Variants in LY96 observed in about 807,000 individuals in gnomAD.
The protein encoded by LY96 is myeloid differentiation protein-2.
In LY96, 18 loss-of-function variants were observed where a neutral mutation model predicts 18.9. That is an observed-to-expected ratio of 0.95 (90% confidence interval 0.66 to 1.41). The LOEUF is 1.41. Among genes scored for constraint, LY96 ranks in the 40% most tolerant of loss-of-function variants. The probability of loss-of-function intolerance (pLI) is 0.00; values close to 1 mark genes in which losing one functional copy is unlikely to be tolerated. For synonymous variants in LY96, 66 were observed against 62.6 expected (o/e 1.06, Z -0.26); for missense variants, 175 against 182.4 (o/e 0.96, Z 0.23).
intron 1 of LY96, among the ~76,000 whole-genome samples, chr8:74,000,211 A>G (rs1304623454): frequency 6.6e-6 from 1 of 152,148 alleles, no homozygotes; most frequent in African/African-American, 2.4e-5. Flanking sequence ...ATTTTACTAT[A>G]AGTGGCCAAA....
chr8:74,082,061 T>G, the LY96 span, among the ~76,000 whole-genome samples: 1 of 152,260 alleles, frequency 6.6e-6, no homozygotes, highest in Non-Finnish European at 1.5e-5. Context: ...CTGCTTTCAA[T>G]TATAGAATAT....
At chr8:74,003,663 T>C (rs1002518957) in intron 1 of LY96, among the ~76,000 whole-genome samples, 3 of 152,016 alleles carry the variant, frequency 2.0e-5, no homozygotes, top group African/African-American at 7.3e-5. Context: ...GAAAGGAAAA[T>C]TTGTTTTTCC....
the LY96 span, among the ~76,000 whole-genome samples, chr8:74,080,984 C>CTCTCTT: frequency 1.9e-5 from 2 of 105,172 alleles, no homozygotes; most frequent in Admixed American, 1.0e-4. Context: ...TTCTTTCTCT[C>CTCTCTT]TCTTTCTTTC....
chr8:74,001,228 A>ATTT (rs772619244), intron 1 of LY96, among the ~76,000 whole-genome samples: 3 of 140,464 alleles, frequency 2.1e-5, no homozygotes, highest in Admixed American at 7.2e-5. Flanking sequence ...AAAAAAAAAA[A>ATTT]TTTTTTTTTT....
At chr8:73,999,212 C>G (rs1816214108) in intron 1 of LY96, among the ~76,000 whole-genome samples, 1 of 152,114 alleles carries the variant, frequency 6.6e-6, no homozygotes, top group Admixed American at 6.5e-5. Flanking sequence ...TCAGGTGATC[C>G]ACCCTCCTCA....
chr8:74,015,478 C>CCT (rs542457224), intron 3 of LY96, among the ~76,000 whole-genome samples: 142 of 152,138 alleles, frequency 9.3e-4, no homozygotes, highest in Admixed American at 2.9e-3. Context: ...TCACTGTGGT[C>CCT]TTCCCTCCTA....
At chr8:74,002,146 T>C (rs1004827842) in intron 1 of LY96, among the ~76,000 whole-genome samples, 3 of 146,770 alleles carry the variant, frequency 2.0e-5, no homozygotes, top group Middle Eastern at 3.4e-3. Flanking sequence ...TTTCCTTTTC[T>C]TTCTTTTTGA....
chr8:74,045,213 G>T, the LY96 span, among the ~76,000 whole-genome samples: 7 of 152,282 alleles, frequency 4.6e-5, 1 homozygote, highest in African/African-American at 1.7e-4. Flanking sequence ...TGTCAGTCTG[G>T]GCATTAGAGA....
chr8:74,098,032 A>G, the LY96 span, among the ~76,000 whole-genome samples: 1 of 152,176 alleles, frequency 6.6e-6, no homozygotes, highest in Non-Finnish European at 1.5e-5. Flanking sequence ...TCTAAGGCTT[A>G]TTTCTTGTTT....
the LY96 span, among the ~76,000 whole-genome samples, chr8:74,082,413 T>C: frequency 6.6e-6 from 1 of 152,238 alleles, no homozygotes; most frequent in Non-Finnish European, 1.5e-5. Flanking sequence ...TTTCAAATGC[T>C]TCCAACTCAT....
downstream of LY96, among the ~76,000 whole-genome samples, chr8:74,029,667 T>C (rs948453997): frequency 6.6e-6 from 1 of 152,142 alleles, no homozygotes; most frequent in Non-Finnish European, 1.5e-5. Context: ...CTTTATTTTA[T>C]TTATTGTTTT....
intron 1 of LY96, among the ~76,000 whole-genome samples, chr8:74,000,743 G>T (rs938694830): frequency 2.0e-5 from 3 of 152,158 alleles, no homozygotes; most frequent in African/African-American, 4.8e-5. Flanking sequence ...GTAAGACTGG[G>T]TAATTTATAA....
the LY96 span, among the ~76,000 whole-genome samples, chr8:74,083,835 G>T: frequency 1.3e-5 from 2 of 152,006 alleles, no homozygotes; most frequent in Non-Finnish European, 2.9e-5. Context: ...GGGACCACAG[G>T]CATGTGCCCC....
At chr8:74,071,813 G>C in the LY96 span, among the ~76,000 whole-genome samples, 3 of 152,090 alleles carry the variant, frequency 2.0e-5, no homozygotes, top group Non-Finnish European at 4.4e-5. Context: ...TCAACATTAT[G>C]TTACTAATAT....
At chr8:74,065,726 T>C in the LY96 span, among the ~76,000 whole-genome samples, 3 of 152,198 alleles carry the variant, frequency 2.0e-5, no homozygotes, top group Non-Finnish European at 4.4e-5. Flanking sequence ...ACAGAGTGTA[T>C]ATAAATCACT....
At chr8:74,014,449 A>G (rs914624153) in intron 3 of LY96, among the ~76,000 whole-genome samples, 3 of 149,256 alleles carry the variant, frequency 2.0e-5, no homozygotes, top group Admixed American at 1.3e-4. Flanking sequence ...TGGAAGTGCC[A>G]TTATCTGAGA....
chr8:74,044,216 C>T, the LY96 span, among the ~76,000 whole-genome samples: 9 of 149,608 alleles, frequency 6.0e-5, no homozygotes, highest in African/African-American at 2.2e-4. Flanking sequence ...TAGGGTCTCA[C>T]TGTTGCCCAG....
the LY96 span, among the ~76,000 whole-genome samples, chr8:74,089,444 C>G: frequency 1.3e-5 from 2 of 152,118 alleles, no homozygotes; most frequent in Non-Finnish European, 2.9e-5. Context: ...GCCCTGCCCC[C>G]AAACATGCAT....
chr8:74,098,213 A>T, the LY96 span, among the ~76,000 whole-genome samples: 1 of 152,164 alleles, frequency 6.6e-6, no homozygotes, highest in Non-Finnish European at 1.5e-5. Context: ...CTCAATTCAC[A>T]CTTTACTGAG....
Sources: allele counts gnomAD v4.1 joint callset (sites outside exome capture counted in the v4.1 genomes callset), GRCh38; gene constraint gnomAD v4.1.1; transcripts MANE v1.5; gene names NCBI Gene and HGNC (gene_info 2026-07-23, HGNC 2026-07-21).